Variants in KHDRBS2 observed in about 807,000 individuals in gnomAD.
KHDRBS2 encodes the protein KH RNA binding domain containing, signal transduction associated 2, also known as KH domain-containing, RNA-binding, signal transduction-associated protein 2.
KHDRBS2 carries 26 observed loss-of-function variants against 44.3 expected under a neutral mutation model. That is an observed-to-expected ratio of 0.59 (90% CI 0.43 to 0.81). The LOEUF (loss-of-function observed/expected upper bound fraction) is 0.81, where lower values mean the gene tolerates loss of function less well. Ranked by LOEUF, KHDRBS2 falls within the 40% of genes least tolerant of loss-of-function variation. KHDRBS2 has a pLI of 0.00. For missense variants in KHDRBS2, 476 were observed against 433.1 expected (o/e 1.10, Z -0.88); for synonymous variants, 194 against 151.1 (o/e 1.28, Z -2.08).
At chr6:61,635,825 T>C in the KHDRBS2 span, among the ~76,000 whole-genome samples, 2 of 152,026 alleles carry the variant, frequency 1.3e-5, no homozygotes, top group Non-Finnish European at 2.9e-5. Context: ...AGATTTATTA[T>C]TGAGAATGAT....
rs552679297 is a variant in KHDRBS2 at position 61,798,242 on chromosome 6, G to A, written c.811-65478C>T. Among the ~76,000 whole-genome samples the A allele has an allele frequency of 4.2e-3, 634 of 152,092 alleles. 5 individuals are homozygous for A. Among genetic ancestry groups the A allele is most frequent in the Non-Finnish European group, 5.4e-3 (364 of 67,980 alleles). Reference sequence around the variant, plus strand: ...TTGATGCACTCATATCATACTATTAGTCTATGTTTGTAGTTCATTCTGCAT... The same window carrying A: ...TTGATGCACTCATATCATACTATTAATCTATGTTTGTAGTTCATTCTGCAT... On this transcript the variant is annotated intron_variant, in intron 6 of 8. Transcript: ENST00000281156.
chr6:61,868,229 G>C (rs1337775722), intron 6 of KHDRBS2, among the ~76,000 whole-genome samples: 1 of 152,104 alleles, frequency 6.6e-6, no homozygotes, highest in Non-Finnish European at 1.5e-5. Flanking sequence ...CAATAAAGCA[G>C]CCAAGCCATG....
At chr6:61,650,410 T>C in the KHDRBS2 span, among the ~76,000 whole-genome samples, 3 of 7,076 alleles carry the variant, frequency 4.2e-4, no homozygotes, top group African/African-American at 9.0e-4. Context: ...TAAAAAAATG[T>C]TTTTTTTTTT....
the KHDRBS2 span, among the ~76,000 whole-genome samples, chr6:61,626,424 C>T: frequency 6.6e-6 from 1 of 152,158 alleles, no homozygotes; most frequent in East Asian, 1.9e-4. Context: ...AGGGTAATTA[C>T]AGCTAAGTTT....
the KHDRBS2 span, among the ~76,000 whole-genome samples, chr6:61,660,523 G>A: frequency 1.8e-4 from 27 of 151,788 alleles, no homozygotes; most frequent in Non-Finnish European, 2.4e-4. Context: ...TACTCCCCAG[G>A]TAGTTATTTT....
At chr6:62,161,383 C>A (rs1029427007) in intron 2 of KHDRBS2, among the ~76,000 whole-genome samples, 1 of 150,784 alleles carries the variant, frequency 6.6e-6, no homozygotes. Flanking sequence ...TATAAAATAA[C>A]ACAAATAATA....
At chr6:61,756,610 C>G (rs980629557) in intron 6 of KHDRBS2, among the ~76,000 whole-genome samples, 13 of 152,146 alleles carry the variant, frequency 8.5e-5, no homozygotes, top group Non-Finnish European at 1.8e-4. Context: ...ATCTTGGACA[C>G]CATTCATTCT....
the KHDRBS2 span, among the ~76,000 whole-genome samples, chr6:61,554,009 CTT>C: frequency 6.6e-6 from 1 of 152,122 alleles, no homozygotes; most frequent in East Asian, 1.9e-4. Flanking sequence ...GTAGATGTCT[CTT>C]AGGTCTATTT....
chr6:61,602,601 C>T, the KHDRBS2 span, among the ~76,000 whole-genome samples: 88 of 152,242 alleles, frequency 5.8e-4, no homozygotes, highest in African/African-American at 2.0e-3. Flanking sequence ...GCCTCAGAAG[C>T]CCCCTACACC....
At chr6:61,784,950 A>G (rs1198927098) in intron 6 of KHDRBS2, among the ~76,000 whole-genome samples, 1 of 152,052 alleles carries the variant, frequency 6.6e-6, no homozygotes, top group African/African-American at 2.4e-5. Context: ...GGAGTTTGAA[A>G]CTAGCCTGGG....
intron 1 of KHDRBS2, among the ~76,000 whole-genome samples, chr6:62,249,438 AT>A (rs1836156506): frequency 6.6e-6 from 1 of 152,058 alleles, no homozygotes; most frequent in Non-Finnish European, 1.5e-5. Context: ...ACTAAAGGAT[AT>A]TCATCATAAA....
At chr6:61,951,282 A>C (rs572586778) in intron 4 of KHDRBS2, among the ~76,000 whole-genome samples, 1 of 152,156 alleles carries the variant, frequency 6.6e-6, no homozygotes, top group East Asian at 1.9e-4. Context: ...ATGTGCAAAA[A>C]GGAAGTAAAT....
intron 1 of KHDRBS2, among the ~76,000 whole-genome samples, chr6:62,182,230 CCAT>C (rs1301174357): frequency 6.6e-6 from 1 of 151,786 alleles, no homozygotes; most frequent in Non-Finnish European, 1.5e-5. Flanking sequence ...GACTAAGAGA[CCAT>C]AAATTTATAT....
chr6:62,057,889 A>C (rs1790658194), intron 2 of KHDRBS2, among the ~76,000 whole-genome samples: 1 of 151,974 alleles, frequency 6.6e-6, no homozygotes, highest in Non-Finnish European at 1.5e-5. Context: ...ACAAAACATA[A>C]TTGGTGGCAA....
At chr6:62,082,258 G>GA (rs1362380753) in intron 2 of KHDRBS2, among the ~76,000 whole-genome samples, 1 of 151,606 alleles carries the variant, frequency 6.6e-6, no homozygotes, top group African/African-American at 2.4e-5. Flanking sequence ...CTTCTGACAA[G>GA]AAAAAGGGCC....
chr6:62,092,021 A>T (rs1465871881), intron 2 of KHDRBS2, among the ~76,000 whole-genome samples: 1 of 152,186 alleles, frequency 6.6e-6, no homozygotes, highest in African/African-American at 2.4e-5. Context: ...CTGCAAAGAT[A>T]ATATAAAATT....
chr6:62,138,662 G>T (rs953384829), intron 2 of KHDRBS2, among the ~76,000 whole-genome samples: 1 of 152,186 alleles, frequency 6.6e-6, no homozygotes, highest in Non-Finnish European at 1.5e-5. Flanking sequence ...CTAGGAGGTT[G>T]ATTAAACCTA....
In KHDRBS2 at chr6:61,752,681, A is replaced by G. The variant is rs747851056; in HGVS notation, c.811-19917T>C. ...AGTGATTGTGGTATACAAAAAAAAA[A>G]AAAAAAAAAAAAGAACAAAAATATC... On this transcript the variant is annotated intron_variant, in intron 6 of 8. Transcript: ENST00000281156. 7.8e-3 allele frequency among the ~76,000 whole-genome samples: 822 copies of G among 106,006 alleles called. 9 individuals are homozygous for G. Among genetic ancestry groups the G allele is most frequent in the Non-Finnish European group, 0.01 (574 of 54,812 alleles). 69.5% of individuals were successfully genotyped at this position (106,006 alleles called of 152,430 possible).
Position 61,716,011 on chromosome 6 carries a change from G to T in KHDRBS2, c.893+16671C>A, listed in dbSNP as rs540891940. On this transcript the variant is annotated intron_variant, in intron 7 of 8. Coordinates refer to ENST00000281156, the MANE Select transcript of KHDRBS2 (RefSeq NM_152688.4). The stretch of plus-strand genomic sequence containing the variant: ...TTTTTTTCCATTCTCGAACCATGCT[G>T]TCACCCACTGACAGGTAAAGACTAT... Among the ~76,000 whole-genome samples the T allele has an allele frequency of 1.6e-4, 24 of 151,266 alleles. 1 individual carries two copies. The highest frequency in any genetic ancestry group is 5.6e-4 in the African/African-American group (23 of 40,926).
Sources: allele counts gnomAD v4.1 joint callset (sites outside exome capture counted in the v4.1 genomes callset), GRCh38; gene constraint gnomAD v4.1.1; transcripts MANE v1.5; gene names NCBI Gene and HGNC (gene_info 2026-07-23, HGNC 2026-07-21).